SPON1: variants seen among roughly 807,000 people sequenced by gnomAD.
SPON1 encodes spondin 1, also known as spondin-1.
SPON1 carries 52 observed loss-of-function variants against 111.7 expected under a neutral mutation model. The ratio of observed to expected loss-of-function variants is 0.47; its 90% CI spans 0.37 to 0.59. The LOEUF is 0.59. SPON1 is among the 20% of genes least tolerant of loss of function. The pLI, the probability that SPON1 is intolerant of heterozygous loss-of-function variation, is 0.00. For missense variants in SPON1, 957 were observed against 1,068.5 expected (o/e 0.90, Z 1.46); for synonymous variants, 410 against 395.8 (o/e 1.04, Z -0.43).
At chr11:14,137,577 A>G (rs1174457941) in intron 6 of SPON1, among the ~76,000 whole-genome samples, 1 of 152,190 alleles carries the variant, frequency 6.6e-6, no homozygotes, top group Admixed American at 6.5e-5. Flanking sequence ...GGCATGGTCA[A>G]CAGCAGAGAA....
At chr11:14,174,676 A>G (rs1399053511) in intron 6 of SPON1, among the ~76,000 whole-genome samples, 1 of 151,964 alleles carries the variant, frequency 6.6e-6, no homozygotes, top group African/African-American at 2.4e-5. Context: ...GAAAAAAAAG[A>G]AAAAAAAGGA....
intron 6 of SPON1, among the ~76,000 whole-genome samples, chr11:14,162,553 C>G (rs541352071): frequency 6.6e-6 from 1 of 152,176 alleles, no homozygotes; most frequent in Admixed American, 6.6e-5. Flanking sequence ...GTATAGAACT[C>G]CTGAGTTTTA....
intron 6 of SPON1, among the ~76,000 whole-genome samples, chr11:14,138,350 A>ATTC (rs34886547): frequency 0.4 from 60,039 of 151,786 alleles, 12,101 homozygotes; most frequent in East Asian, 0.54. Context: ...TAGTGGAAGT[A>ATTC]TTAATAATAA....
chr11:14,141,393 T>C (rs1432931541), intron 6 of SPON1, among the ~76,000 whole-genome samples: 1 of 152,250 alleles, frequency 6.6e-6, no homozygotes, highest in Non-Finnish European at 1.5e-5. Context: ...CATGAATGGT[T>C]CTTGCATAAA....
chr11:14,095,836 C>T (rs1270589606), intron 5 of SPON1, among the ~76,000 whole-genome samples: 1 of 152,178 alleles, frequency 6.6e-6, no homozygotes. Context: ...CACCCAATGG[C>T]GCAGCTGACA....
intron 2 of SPON1, among the ~76,000 whole-genome samples, chr11:14,034,269 C>G (rs1312918646): frequency 2.0e-5 from 3 of 152,034 alleles, no homozygotes; most frequent in African/African-American, 7.2e-5. Context: ...TAGACACAAC[C>G]ACTCCATTGT....
chr11:14,257,802 C>A lies in SPON1; in HGVS notation c.1396C>A (p.Arg466=), dbSNP rs781888656. 4.3e-6 allele frequency: 7 copies of A among 1,610,962 alleles called. No homozygotes were observed. In the Admixed American group the frequency reaches 6.7e-5, roughly 15 times the overall value. ...CACCTGTGACAAAGGCAAGAGGATG[C>A]GACAGCGCATGCTGAAAGCACAGCT... The part of the protein sequence containing the change: ...SSTCDKGKRM[R]QRMLKAQLDL... The change falls in exon 11 of 16, where the codon CGA becomes AGA. Residue 466 remains arginine (R), a synonymous_variant. Transcript: ENST00000576479.
chr11:13,963,253 C>A, intron 1 of SPON1, 111 bp downstream of exon 1: 1 of 799,116 alleles, frequency 1.3e-6, no homozygotes, highest in Non-Finnish European at 1.9e-6. Flanking sequence ...GGCGCGGGTG[C>A]AGCCCGGCAA....
rs1849266201 is a variant in SPON1, at chr11:14,266,222, TGAA to T, written c.*538_*540del. ...TGGGGAAAAACAGAGCTGGTAGACT[TGAA>T]GAGGAGCATTGATGTTGGGTGGCTT... is the stretch of plus-strand genomic sequence containing the variant. On this transcript the variant is annotated 3_prime_UTR_variant, in exon 16 of 16. Coordinates refer to ENST00000576479, the MANE Select transcript of SPON1 (RefSeq NM_006108.4). 1 of 152,236 alleles carries T rather than the reference TGAA, an allele frequency of 6.6e-6. No individual in the cohort carries two copies. The highest frequency in any genetic ancestry group is 1.5e-5 in the Non-Finnish European group (1 of 68,072). 9.4% of individuals were successfully genotyped at this position (152,236 alleles called of 1,614,324 possible). A position where few individuals can be genotyped will look rare whatever the true frequency, so the allele number is the denominator to read the frequency against.
At chr11:14,199,092 T>C (rs1156507629) in intron 6 of SPON1, among the ~76,000 whole-genome samples, 1 of 152,168 alleles carries the variant, frequency 6.6e-6, no homozygotes, top group Non-Finnish European at 1.5e-5. Context: ...ACAGAGTTAC[T>C]AAGCACCTAA....
At chr11:14,094,783 G>A (rs1277816101) in intron 5 of SPON1, among the ~76,000 whole-genome samples, 3 of 152,258 alleles carry the variant, frequency 2.0e-5, no homozygotes, top group South Asian at 2.1e-4. Flanking sequence ...GGTTAGGGCA[G>A]GAGAGAGATA....
rs1554942566 is a variant in SPON1, at chr11:14,267,063, T to C, written c.*1376T>C. 2 of 152,254 alleles carry C rather than the reference T, an allele frequency of 1.3e-5. No individual in the cohort carries two copies. Among genetic ancestry groups the C allele is most frequent in the African/African-American group, 2.4e-5 (1 of 41,470 alleles). 9.4% of individuals were successfully genotyped at this position (152,254 alleles called of 1,614,324 possible). A position where few individuals can be genotyped will look rare whatever the true frequency, so the allele number is the denominator to read the frequency against. On this transcript the variant is annotated 3_prime_UTR_variant, in exon 16 of 16. Transcript: ENST00000576479. ...AGGCCTTATTACTGCTTAATCCAAATGTGTACCATTGGTGAGACACATACA... is the reference window on the plus strand; with the variant it reads ...AGGCCTTATTACTGCTTAATCCAAACGTGTACCATTGGTGAGACACATACA...
At chr11:14,071,346 T>C (rs1202748422) in intron 3 of SPON1, among the ~76,000 whole-genome samples, 1 of 152,152 alleles carries the variant, frequency 6.6e-6, no homozygotes, top group Non-Finnish European at 1.5e-5. Context: ...CTCAGGGTTC[T>C]GGGCTCAGTT....
At chr11:14,202,057 T>C (rs1327403336) in intron 6 of SPON1, among the ~76,000 whole-genome samples, 1 of 152,240 alleles carries the variant, frequency 6.6e-6, no homozygotes, top group Non-Finnish European at 1.5e-5. Context: ...AATTTCTCTT[T>C]AATATGATTT....
chr11:14,175,248 G>T (rs538795892), intron 6 of SPON1, among the ~76,000 whole-genome samples: 1 of 152,142 alleles, frequency 6.6e-6, no homozygotes, highest in African/African-American at 2.4e-5. Context: ...GGCTTTAACT[G>T]CTCACAAAAA....
chr11:14,004,491 A>T (rs1034911164), intron 2 of SPON1, among the ~76,000 whole-genome samples: 5 of 152,126 alleles, frequency 3.3e-5, no homozygotes, highest in Non-Finnish European at 5.9e-5. Flanking sequence ...CCTTACCAAC[A>T]TTTGCTATCT....
At chr11:14,165,668 C>T (rs10832224) in intron 6 of SPON1, among the ~76,000 whole-genome samples, 29,566 of 152,064 alleles carry the variant, frequency 0.19, 2,971 homozygotes, top group Admixed American at 0.25. Flanking sequence ...GTCTAAACTG[C>T]AGAAAAAACC....
chr11:14,130,820 A>G (rs577619456), intron 5 of SPON1, among the ~76,000 whole-genome samples: 4 of 151,496 alleles, frequency 2.6e-5, no homozygotes, highest in Non-Finnish European at 5.9e-5. Flanking sequence ...TCACCTAATT[A>G]TATATTATTT....
chr11:14,207,402 A>T (rs1848528792), intron 6 of SPON1, among the ~76,000 whole-genome samples: 4 of 152,244 alleles, frequency 2.6e-5, no homozygotes. Flanking sequence ...AGGAGAGGAA[A>T]GTATCAACAG....
Sources: allele counts gnomAD v4.1 joint callset (sites outside exome capture counted in the v4.1 genomes callset), GRCh38; gene constraint gnomAD v4.1.1; transcripts MANE v1.5; gene names NCBI Gene and HGNC (gene_info 2026-07-23, HGNC 2026-07-21).